Variants in SMAD5 observed in about 807,000 individuals in gnomAD.
SMAD5 encodes MAD, mothers against decapentaplegic homolog 5.
A neutral mutation model predicts 43.1 loss-of-function variants in SMAD5; 9 were observed. That is an observed-to-expected ratio of 0.21 (90% CI 0.13 to 0.36). The LOEUF is 0.36. SMAD5 is among the 10% of genes least tolerant of loss of function. The pLI, the probability that SMAD5 is intolerant of heterozygous loss-of-function variation, is 1.00. For missense variants in SMAD5, 348 were observed against 574.0 expected (o/e 0.61, Z 4.02); for synonymous variants, 190 against 192.4 (o/e 0.99, Z 0.10).
At position 136,149,332 on chromosome 5, in the gene SMAD5, T is replaced by C. The variant is rs141345128; in HGVS notation, c.-170+1426T>C. On this transcript the variant is annotated intron_variant, in intron 2 of 7. Coordinates refer to ENST00000545279, the MANE Select transcript of SMAD5 (RefSeq NM_005903.7). ...ACACAGCACTCATTTCTGTTGGATA[T>C]ATACCTAGGAATGGAATTTCTGGGT... 2.1e-4 allele frequency among the ~76,000 whole-genome samples: 32 copies of C among 151,940 alleles called. 1 individual carries two copies. In the East Asian group the frequency reaches 5.6e-3, roughly 27 times the overall value.
chr5:136,177,069 TA>T (rs898956661), intron 7 of SMAD5, among the ~76,000 whole-genome samples: 1 of 152,050 alleles, frequency 6.6e-6, no homozygotes, highest in Non-Finnish European at 1.5e-5. Flanking sequence ...TTTCTAAGAT[TA>T]AAAAAAATTA....
At position 136,181,757 on chromosome 5, in the gene SMAD5, G is replaced by A. The variant is rs1029936717; in HGVS notation, c.*4277G>A. On this transcript the variant is annotated 3_prime_UTR_variant, in exon 8 of 8. Coordinates refer to ENST00000545279, the MANE Select transcript of SMAD5 (RefSeq NM_005903.7). ...ATTACAGAGTGACAATATTTATCAA[G>A]CCTTTGTTATATTGGATTATCTTCT... 2 of 152,122 alleles carry A rather than the reference G, an allele frequency of 1.3e-5. No individual in the cohort carries two copies. Among genetic ancestry groups the A allele is most frequent in the African/African-American group, 4.8e-5 (2 of 41,438 alleles). The allele number at this position is 152,122 out of a possible 1,614,324, so 9.4% of individuals were successfully genotyped here.
At chr5:136,145,379 G>T (rs568043408) in intron 1 of SMAD5, among the ~76,000 whole-genome samples, 3 of 152,082 alleles carry the variant, frequency 2.0e-5, no homozygotes, top group African/African-American at 7.2e-5. Flanking sequence ...ACAGGCACCA[G>T]TATCAAAATT....
At position 136,182,516 on chromosome 5, in the gene SMAD5, T is replaced by A. The variant is rs180808210; in HGVS notation, c.*5036T>A. 3.3e-5 allele frequency: 5 copies of A among 152,786 alleles called. No homozygotes were observed. The highest frequency in any genetic ancestry group is 1.3e-4 in the Admixed American group (2 of 15,294). 9.5% of individuals were successfully genotyped at this position (152,786 alleles called of 1,614,324 possible). A position where few individuals can be genotyped will look rare whatever the true frequency, so the allele number is the denominator to read the frequency against. ...ATACAGATAATGAAGACCAAGCTAGTGGCTGCACTGTAGGTCTGCTGCTTA... is the reference window on the plus strand; with the variant it reads ...ATACAGATAATGAAGACCAAGCTAGAGGCTGCACTGTAGGTCTGCTGCTTA... On this transcript the variant is annotated 3_prime_UTR_variant, in exon 8 of 8. Transcript: ENST00000545279.
intron 7 of SMAD5, among the ~76,000 whole-genome samples, 163 bp downstream of exon 7, chr5:136,174,795 A>G (rs1754351122): frequency 6.6e-6 from 1 of 152,196 alleles, no homozygotes; most frequent in Admixed American, 6.5e-5. Context: ...TAACTACATA[A>G]TAGATCTAAG....
chr5:136,174,710 T>C (rs1485497462), intron 7 of SMAD5, 78 bp downstream of exon 7: 3 of 1,032,430 alleles, frequency 2.9e-6, no homozygotes, highest in East Asian at 2.4e-5. Context: ...TTTTAAAAAT[T>C]GTTAAATGAA....
At chr5:136,161,866 A>G (rs1007930090) in intron 4 of SMAD5, among the ~76,000 whole-genome samples, 5 of 152,220 alleles carry the variant, frequency 3.3e-5, no homozygotes, top group Non-Finnish European at 7.3e-5. Context: ...GCATATTACA[A>G]AGCCAGTTTT....
chr5:136,153,660 A>G lies in SMAD5; in HGVS notation c.-101A>G. 1.1e-6 allele frequency: 1 copy of G among 912,204 alleles called. No individual in the cohort carries two copies. Among genetic ancestry groups the G allele is most frequent in the Non-Finnish European group, 1.7e-6 (1 of 605,980 alleles). 56.5% of individuals were successfully genotyped at this position (912,204 alleles called of 1,614,324 possible). On this transcript the variant is annotated 5_prime_UTR_variant, in exon 3 of 8. Transcript: ENST00000545279. ...ATGTTACTCCTCCCTTTTTAATTGG[A>G]ACTTCTGCTTAGGACCTGTGTATGA...
chr5:136,165,993 C>G (rs1753997702), intron 5 of SMAD5, among the ~76,000 whole-genome samples: 1 of 151,884 alleles, frequency 6.6e-6, no homozygotes, highest in South Asian at 2.1e-4. Context: ...TTTTGAGGAA[C>G]AGCCATACTG....
chr5:136,143,432 A>G (rs1003960815), intron 1 of SMAD5, among the ~76,000 whole-genome samples: 5 of 151,960 alleles, frequency 3.3e-5, no homozygotes, highest in Admixed American at 2.0e-4. Flanking sequence ...CTTTCGGCTT[A>G]GATAGAACTC....
At chr5:136,143,637 C>A (rs989422907) in intron 1 of SMAD5, among the ~76,000 whole-genome samples, 11 of 151,734 alleles carry the variant, frequency 7.2e-5, no homozygotes, top group South Asian at 2.1e-4. Context: ...TACTTTCTTG[C>A]CAAGTGGACT....
rs1754560053 is a variant in SMAD5 at position 136,179,806 on chromosome 5, A to AG, written c.*2328dup. On this transcript the variant is annotated 3_prime_UTR_variant, in exon 8 of 8. Transcript: ENST00000545279. Reference sequence around the variant, plus strand: ...GGCATGATCTCTGGAACAAATTTGTAGGAAAAAATTACTCCAATTGAATGA... The same window carrying AG: ...GGCATGATCTCTGGAACAAATTTGTAGGGAAAAAATTACTCCAATTGAATGA... 1 of 129,110 alleles carries AG rather than the reference A, an allele frequency of 7.7e-6. No homozygotes were observed. Among genetic ancestry groups the AG allele is most frequent in the Admixed American group, 7.2e-5 (1 of 13,870 alleles). The allele number at this position is 129,110 out of a possible 1,614,324, so 8.0% of individuals were successfully genotyped here. A position where few individuals can be genotyped will look rare whatever the true frequency, so the allele number is the denominator to read the frequency against.
In SMAD5 at chr5:136,153,671, A is replaced by G; in HGVS notation, c.-90A>G. The G allele has an allele frequency of 1.9e-6, 2 of 1,032,092 alleles. No homozygotes were observed. Among genetic ancestry groups the G allele is most frequent in the Non-Finnish European group, 2.8e-6 (2 of 708,404 alleles). 63.9% of individuals were successfully genotyped at this position (1,032,092 alleles called of 1,614,324 possible). A position where few individuals can be genotyped will look rare whatever the true frequency, so the allele number is the denominator to read the frequency against. On this transcript the variant is annotated 5_prime_UTR_variant, in exon 3 of 8. The change abolishes the stop of an existing upstream ORF in the 5' untranslated region. Coordinates refer to ENST00000545279, the MANE Select transcript of SMAD5 (RefSeq NM_005903.7). ...CCCTTTTTAATTGGAACTTCTGCTT[A>G]GGACCTGTGTATGACGTTTCACCTG...
chr5:136,157,362 G>A (rs1561648798), intron 3 of SMAD5, among the ~76,000 whole-genome samples: 1 of 152,160 alleles, frequency 6.6e-6, no homozygotes, highest in Admixed American at 6.5e-5. Flanking sequence ...TGGCACCAGG[G>A]TCTAGTTTCA....
chr5:136,159,870 TTAGG>T (rs1197402976), intron 3 of SMAD5, among the ~76,000 whole-genome samples: 1 of 152,216 alleles, frequency 6.6e-6, no homozygotes, highest in Admixed American at 6.5e-5. Context: ...GAAGTGTGAC[TTAGG>T]TAGCTTAAAA....
rs760288255 is a variant in SMAD5, at chr5:136,177,372, C to T, written c.1290C>T (p.Thr430=). ...WGAEYHRQDV[T]STPCWIEIHL... ...CAGAATATCACCGGCAGGATGTAACCAGCACCCCATGTTGGATTGAGATTC... is the reference window on the plus strand; with the variant it reads ...CAGAATATCACCGGCAGGATGTAACTAGCACCCCATGTTGGATTGAGATTC... Residue 430 remains threonine (T), a synonymous_variant, in exon 8 of 8, where the codon ACC becomes ACT. Transcript: ENST00000545279. 2 of 1,613,258 alleles carry T rather than the reference C, an allele frequency of 1.2e-6. No homozygotes were observed. Among genetic ancestry groups the T allele is most frequent in the African/African-American group, 1.3e-5 (1 of 74,898 alleles).
Position 136,177,517 on chromosome 5 carries a change from C to A in SMAD5, c.*37C>A. The A allele has an allele frequency of 6.6e-7, 1 of 1,518,362 alleles. No individual in the cohort carries two copies. The highest frequency in any genetic ancestry group is 9.0e-7 in the Non-Finnish European group (1 of 1,116,628). The allele number at this position is 1,518,362 out of a possible 1,614,324, so 94.1% of individuals were successfully genotyped here. A position where few individuals can be genotyped will look rare whatever the true frequency, so the allele number is the denominator to read the frequency against. On this transcript the variant is annotated 3_prime_UTR_variant, in exon 8 of 8. Coordinates refer to ENST00000545279, the MANE Select transcript of SMAD5 (RefSeq NM_005903.7). ...TCTTTTCAATTATATTGTTAGTGGA[C>A]TTGTTTTAATTTTAGAGAAACTTTG... is the stretch of plus-strand genomic sequence containing the variant.
intron 1 of SMAD5, among the ~76,000 whole-genome samples, chr5:136,146,048 C>G (rs1753247907): frequency 6.6e-6 from 1 of 151,760 alleles, no homozygotes. Context: ...TTCAGTTGTT[C>G]TATTAATTTG....
chr5:136,145,539 TC>T (rs141955448), intron 1 of SMAD5, among the ~76,000 whole-genome samples: 4,617 of 152,052 alleles, frequency 0.03, 99 homozygotes, highest in African/African-American at 0.059. Context: ...TGCAGCTTTT[TC>T]TTCCTTCAGG....
Sources: allele counts gnomAD v4.1 joint callset (sites outside exome capture counted in the v4.1 genomes callset), GRCh38; gene constraint gnomAD v4.1.1; transcripts MANE v1.5; gene names NCBI Gene and HGNC (gene_info 2026-07-23, HGNC 2026-07-21).